Variants in NBEAL2 observed in about 807,000 individuals in gnomAD.
NBEAL2 encodes neurobeachin like 2.
Under a neutral mutation model 299.8 loss-of-function variants are expected in NBEAL2, and 160 were observed. That is an observed-to-expected ratio of 0.53 (90% CI 0.47 to 0.61). The LOEUF (loss-of-function observed/expected upper bound fraction) is 0.61, where lower values mean the gene tolerates loss of function less well. NBEAL2 is among the 20% of genes least tolerant of loss of function. NBEAL2 has a pLI of 0.00. For synonymous variants in NBEAL2, 1,493 were observed against 1,542.3 expected, an observed-to-expected ratio of 0.97 and a Z score of 0.75; for missense variants, 3,112 against 3,649.0, an observed-to-expected ratio of 0.85 and a Z score of 3.79.
intron 1 of NBEAL2, among the ~76,000 whole-genome samples, chr3:46,980,137 T>A (rs1162476022): frequency 1.3e-5 from 2 of 152,158 alleles, no homozygotes; most frequent in Non-Finnish European, 2.9e-5. Context: ...GGTCGTGCAC[T>A]TCATAGCAAC....
chr3:47,002,910 G>T lies in NBEAL2; in HGVS notation c.5460-47G>T, dbSNP rs538061903. 8.1e-6 allele frequency: 13 copies of T among 1,600,366 alleles called. No individual in the cohort carries two copies. In the Admixed American group the frequency reaches 2.2e-4, roughly 27 times the overall value. Reference sequence around the variant, plus strand: ...GGGGTGAGGCCAGGGAGGGATGGGGGTGTCTACAGCCTTCTACCGACCCAT... The same window carrying T: ...GGGGTGAGGCCAGGGAGGGATGGGGTTGTCTACAGCCTTCTACCGACCCAT... On this transcript the variant is annotated intron_variant, in intron 33 of 53. Coordinates refer to ENST00000450053, the MANE Select transcript of NBEAL2 (RefSeq NM_015175.3).
chr3:46,997,440 G>T lies in NBEAL2; in HGVS notation c.2824+7G>T. ...CCATTGGGTAAATCTTCAGGTAAGT[G>T]TTCCTGGTGCCTATGTTGTGGAGAG... On this transcript the variant is annotated splice_region_variant and intron_variant, in intron 19 of 53. Coordinates refer to ENST00000450053, the MANE Select transcript of NBEAL2 (RefSeq NM_015175.3). 6.2e-7 allele frequency: 1 copy of T among 1,606,386 alleles called. No individual in the cohort carries two copies. Among genetic ancestry groups the T allele is most frequent in the Non-Finnish European group, 8.5e-7 (1 of 1,174,854 alleles).
Position 47,009,209 on chromosome 3 carries a change from C to T in NBEAL2, c.8164-10C>T. On this transcript the variant is annotated splice_polypyrimidine_tract_variant and intron_variant, in intron 53 of 53. Transcript: ENST00000450053. ...CCCAGCTGATCCTACTCAACCCTTA[C>T]GCCCACCAGGTGCGCAGCAGCCAGT... The T allele has an allele frequency of 5.7e-6, 9 of 1,587,394 alleles. No homozygotes were observed. The highest frequency in any genetic ancestry group is 7.7e-6 in the Non-Finnish European group (9 of 1,168,680).
rs1280732670 is a variant in NBEAL2 at position 47,004,181 on chromosome 3, G to A, written c.5986G>A (p.Ala1996Thr). Residue 1996 changes from alanine to threonine, a missense_variant, in exon 37 of 54, where the codon GCC (alanine) becomes ACC (threonine). Around this residue, in one of 3 missense-constraint regions of NBEAL2, gnomAD observed 521 missense variants for 729.6 expected, o/e 0.71. Coordinates refer to ENST00000450053, the MANE Select transcript of NBEAL2 (RefSeq NM_015175.3). This position sits in a 1 kb window ranked among gnomAD's most constrained non-coding sequence, Gnocchi z 5.0. ...ACTTGAGCTCTTCTTTATCGATCAG[G>A]CCAACTACTTCCTCAACTTCCCATG... is the stretch of plus-strand genomic sequence containing the variant. ...SALELFFIDQANYFLNFPCKV... is the reference protein window; with the variant it reads ...SALELFFIDQTNYFLNFPCKV... 2.5e-6 allele frequency: 4 copies of A among 1,613,758 alleles called. No individual in the cohort carries two copies. The African/African-American group carries it at 4.0e-5, about 16-fold the overall frequency.
chr3:46,987,431 G>A (rs1395918352), intron 1 of NBEAL2, among the ~76,000 whole-genome samples: 1 of 152,216 alleles, frequency 6.6e-6, no homozygotes, highest in Non-Finnish European at 1.5e-5. Context: ...TCCATATGGG[G>A]CCAGCCTGGA....
rs769058852 is a variant in NBEAL2 at position 46,997,447 on chromosome 3, G to A, written c.2824+14G>A. ...GTAAATCTTCAGGTAAGTGTTCCTG[G>A]TGCCTATGTTGTGGAGAGGGAATCT... On this transcript the variant is annotated intron_variant, in intron 19 of 53. Transcript: ENST00000450053. The A allele has an allele frequency of 8.1e-6, 13 of 1,605,908 alleles. No individual in the cohort carries two copies. The highest frequency in any genetic ancestry group is 1.1e-5 in the Non-Finnish European group (13 of 1,174,322).
In NBEAL2 at chr3:47,008,657, C is replaced by G; in HGVS notation, c.8016C>G (p.Leu2672=). ...LGTAQCALHI[L]QLNTLLPAAP... ...CCGCCCAGTGCGCCCTGCACATCCT[C>G]CAACTAAACACGTAAGCCCCCCATT... Residue 2672 remains leucine, a synonymous_variant, in exon 52 of 54, where the codon CTC becomes CTG. Transcript: ENST00000450053. The G allele has an allele frequency of 6.2e-7, 1 of 1,613,292 alleles. No individual in the cohort carries two copies. Among genetic ancestry groups the G allele is most frequent in the Non-Finnish European group, 8.5e-7 (1 of 1,179,874 alleles).
At position 46,989,349 on chromosome 3, in the gene NBEAL2, C is replaced by T. The variant is rs2035909011; in HGVS notation, c.441C>T (p.Asp147=). 1.3e-6 allele frequency: 2 copies of T among 1,586,420 alleles called. No homozygotes were observed. Among genetic ancestry groups the T allele is most frequent in the Non-Finnish European group, 8.6e-7 (1 of 1,166,494 alleles). Residue 147 remains aspartate, a synonymous_variant, in exon 5 of 54, where the codon GAC becomes GAT. Transcript: ENST00000450053. This position sits in a 1 kb window ranked among gnomAD's most constrained non-coding sequence, Gnocchi z 5.5. The part of the protein sequence containing the change: ...HALLLCEGLF[D]PYQTWRRQRS... The stretch of plus-strand genomic sequence containing the variant: ...TGCTTCTCTGCGAGGGCCTCTTTGA[C>T]CCTTACCAAACCTGGCGGCGCCAGC...
In NBEAL2 at chr3:46,988,852, G is replaced by A. The variant is rs2035864041; in HGVS notation, c.151G>A (p.Ala51Thr). ...CCCCTTTCCTTGCAGGCCAGAGGAG[G>A]CAGGTGCAGAGGTCCCGCTGCTACC... Reference protein sequence around the residue: ...SSLEPRRPEEAGAEVPLLPLD... With the variant: ...SSLEPRRPEETGAEVPLLPLD... The change falls in exon 3 of 54, where the codon GCA becomes ACA. Residue 51 changes from alanine to threonine, a missense_variant. Ala to Thr is a moderately conservative substitution (Grantham distance 58). Coordinates refer to ENST00000450053, the MANE Select transcript of NBEAL2 (RefSeq NM_015175.3). The surrounding 1 kb of genome is among the most constrained non-coding windows in gnomAD (Gnocchi z 4.4). The A allele has an allele frequency of 1.9e-6, 3 of 1,607,542 alleles. No individual in the cohort carries two copies. In the East Asian group the frequency reaches 6.7e-5, roughly 36 times the overall value.
In NBEAL2 at chr3:46,991,293, G is replaced by A. The variant is rs748864018; in HGVS notation, c.631G>A (p.Ala211Thr). 9.4e-6 allele frequency: 15 copies of A among 1,602,794 alleles called. No individual in the cohort carries two copies. Among genetic ancestry groups the A allele is most frequent in the East Asian group, 2.3e-5 (1 of 44,374 alleles). Residue 211 changes from alanine (A) to threonine (T), a missense_variant, in exon 7 of 54, where the codon GCT becomes ACT. By Grantham distance (58) the Ala-to-Thr change is moderately conservative (BLOSUM62 0). Coordinates refer to ENST00000450053, the MANE Select transcript of NBEAL2 (RefSeq NM_015175.3). The surrounding 1 kb of genome is among the most constrained non-coding windows in gnomAD (Gnocchi z 6.2). ...RLIHLFCAVL[A>T]GGKENGQMAV... ...CATCCACCTCTTCTGCGCCGTCCTC[G>A]CTGGAGGAAAGGTAGGCTGGGAGGT...
intron 16 of NBEAL2, 66 bp from the exon 17 acceptor site, chr3:46,996,685 G>A: frequency 6.4e-7 from 1 of 1,566,996 alleles, no homozygotes; most frequent in Non-Finnish European, 8.7e-7. Flanking sequence ...CCTGTGGTCA[G>A]GCAGTCTCTG....
Position 46,992,544 on chromosome 3 carries a change from G to A in NBEAL2, c.1102G>A (p.Asp368Asn), listed in dbSNP as rs528681375. 5.6e-5 allele frequency: 89 copies of A among 1,598,108 alleles called. No individual in the cohort carries two copies. The East Asian group carries it at 5.9e-4, about 11-fold the overall frequency. ...GGCTACCCGGTTACTGACTGAGCCC[G>A]ATGTCCAAAAGGTACCATCCTGGGG... is the stretch of plus-strand genomic sequence containing the variant. ...DLATRLLTEP[D>N]VQKVLDQDTD... Residue 368 changes from aspartate to asparagine, a missense_variant, in exon 10 of 54, where the codon GAT (aspartate) becomes AAT (asparagine). Around this residue, in one of 3 missense-constraint regions of NBEAL2, gnomAD observed 2,243 missense variants for 2,538.1 expected, o/e 0.88. Coordinates refer to ENST00000450053, the MANE Select transcript of NBEAL2 (RefSeq NM_015175.3).
rs770258459 is a variant in NBEAL2, at chr3:47,006,421, T to C, written c.7106T>C (p.Leu2369Pro). The change falls in exon 45 of 54, where the codon CTG becomes CCG. Residue 2369 changes from leucine (L) to proline (P), a missense_variant. Around this residue, in one of 3 missense-constraint regions of NBEAL2, gnomAD observed 521 missense variants for 729.6 expected, o/e 0.71. Transcript: ENST00000450053. Reference sequence around the variant, plus strand: ...AACTCACCTAGCATCTTCCAGCACCTGGACGAACTCAAGGCATTCTTCGCA... The same window carrying C: ...AACTCACCTAGCATCTTCCAGCACCCGGACGAACTCAAGGCATTCTTCGCA... ...DTNSPSIFQH[L>P]DELKAFFAEV... The C allele has an allele frequency of 2.9e-5, 46 of 1,590,556 alleles. No homozygotes were observed. Among genetic ancestry groups the C allele is most frequent in the Non-Finnish European group, 3.9e-5 (45 of 1,168,436 alleles).
chr3:47,003,915 G>A lies in NBEAL2; in HGVS notation c.5820G>A (p.Glu1940=), dbSNP rs2037219825. The A allele has an allele frequency of 1.2e-6, 2 of 1,613,766 alleles. No individual in the cohort carries two copies. The highest frequency in any genetic ancestry group is 1.7e-6 in the Non-Finnish European group (2 of 1,179,766). The change falls in exon 36 of 54, where the codon GAG becomes GAA. Residue 1940 remains glutamate (E), a synonymous_variant. Transcript: ENST00000450053. The surrounding 1 kb of genome is among the most constrained non-coding windows in gnomAD (Gnocchi z 7.0). ...TGGCCGTGGTCCCAGGGCTGCTGGA[G>A]GTCACCACACAGAATGTATACTTCT... is the stretch of plus-strand genomic sequence containing the variant. ...TVVAVVPGLL[E]VTTQNVYFYD... is the part of the protein sequence containing the mutation.
chr3:46,999,992 C>T lies in NBEAL2; in HGVS notation c.3893C>T (p.Thr1298Ile). 9 of 1,612,230 alleles carry T rather than the reference C, an allele frequency of 5.6e-6. No individual in the cohort carries two copies. The highest frequency in any genetic ancestry group is 7.6e-6 in the Non-Finnish European group (9 of 1,179,856). The change falls in exon 27 of 54, where the codon ACA becomes ATA. Residue 1298 changes from threonine (T) to isoleucine (I), a missense_variant. By Grantham distance (89) the Thr-to-Ile change is moderately conservative (BLOSUM62 -1). This residue lies in a region of NBEAL2 where 2,243 missense variants were observed against 2,538.1 expected (regional missense o/e 0.88). Transcript: ENST00000450053. ...LTRLYVLEAATAGSPPPSSPE... is the reference protein window; with the variant it reads ...LTRLYVLEAAIAGSPPPSSPE... Reference sequence around the variant, plus strand: ...CGGCTATATGTCCTGGAGGCTGCCACAGCCGGCAGCCCCCCTCCGTCTTCC... The same window carrying T: ...CGGCTATATGTCCTGGAGGCTGCCATAGCCGGCAGCCCCCCTCCGTCTTCC...
intron 45 of NBEAL2, among the ~76,000 whole-genome samples, chr3:47,006,751 C>T (rs1459659237): frequency 6.6e-6 from 1 of 152,158 alleles, no homozygotes; most frequent in Non-Finnish European, 1.5e-5. Flanking sequence ...TGCCCCCAGG[C>T]CTGACTTTTT....
In NBEAL2 at chr3:47,002,176, G is replaced by T. The variant is rs2037060479; in HGVS notation, c.5039G>T (p.Gly1680Val). The change falls in exon 31 of 54, where the codon GGG becomes GTG. Residue 1680 changes from glycine to valine, a missense_variant. This residue lies in a region of NBEAL2 where 2,243 missense variants were observed against 2,538.1 expected (regional missense o/e 0.88). Coordinates refer to ENST00000450053, the MANE Select transcript of NBEAL2 (RefSeq NM_015175.3). Reference sequence around the variant, plus strand: ...CTAGACCGTGCCTATGAGCCGCTGGGGCTGCAGTGGGGACTGCCCTCCCTG... The same window carrying T: ...CTAGACCGTGCCTATGAGCCGCTGGTGCTGCAGTGGGGACTGCCCTCCCTG... The part of the protein sequence containing the change: ...TLLDRAYEPL[G>V]LQWGLPSLPP... The T allele has an allele frequency of 6.5e-7, 1 of 1,530,100 alleles. No homozygotes were observed. Among genetic ancestry groups the T allele is most frequent in the East Asian group, 2.5e-5 (1 of 40,810 alleles). 94.8% of individuals were successfully genotyped at this position (1,530,100 alleles called of 1,614,324 possible). A position where few individuals can be genotyped will look rare whatever the true frequency, so the allele number is the denominator to read the frequency against.
In NBEAL2 at chr3:46,998,992, C is replaced by T. The variant is rs1452520337; in HGVS notation, c.3418C>T (p.Leu1140=). The T allele has an allele frequency of 6.2e-7, 1 of 1,607,536 alleles. No individual in the cohort carries two copies. The highest frequency in any genetic ancestry group is 8.5e-7 in the Non-Finnish European group (1 of 1,177,302). The part of the protein sequence containing the change: ...VGALDLLLAL[L]HGSLVQESLA... ...TGCGCTGGACCTGCTGCTGGCCCTG[C>T]TGCACGGTTCCCTGGTGCAGGAGTC... The change falls in exon 24 of 54, where the codon CTG becomes TTG. Residue 1140 remains leucine (L), a synonymous_variant. Coordinates refer to ENST00000450053, the MANE Select transcript of NBEAL2 (RefSeq NM_015175.3).
chr3:47,003,367 G>C lies in NBEAL2; in HGVS notation c.5720+58G>C. On this transcript the variant is annotated intron_variant, in intron 35 of 53. Transcript: ENST00000450053. The surrounding 1 kb of genome is among the most constrained non-coding windows in gnomAD (Gnocchi z 7.0). ...TGGTGGGCAAGGGGTCTGCTCCAGTGTGTGCATGCCTCTGTGGGATCAACT... is the reference window on the plus strand; with the variant it reads ...TGGTGGGCAAGGGGTCTGCTCCAGTCTGTGCATGCCTCTGTGGGATCAACT... The C allele has an allele frequency of 1.3e-6, 2 of 1,582,978 alleles. No individual in the cohort carries two copies. The highest frequency in any genetic ancestry group is 1.7e-6 in the Non-Finnish European group (2 of 1,164,376).
Sources: allele counts gnomAD v4.1 joint callset (sites outside exome capture counted in the v4.1 genomes callset), GRCh38; gene constraint gnomAD v4.1.1; regional missense constraint gnomAD v4.1.1; non-coding constraint Gnocchi (gnomAD v3.1); transcripts MANE v1.5; gene names NCBI Gene and HGNC (gene_info 2026-07-23, HGNC 2026-07-21).